Variants in NCAPD3 observed in about 807,000 individuals in gnomAD.
NCAPD3 encodes the protein condensin-2 complex subunit D3.
NCAPD3 carries 105 observed loss-of-function variants against 182.9 expected under a neutral mutation model. That is an observed-to-expected ratio of 0.57 (90% CI 0.49 to 0.68). NCAPD3 has a LOEUF of 0.68. Among genes scored for constraint, NCAPD3 ranks in the 30% least tolerant of loss-of-function variants. NCAPD3 has a pLI of 0.00. For missense variants in NCAPD3, 1,944 were observed against 1,837.0 expected (o/e 1.06, Z -1.07); for synonymous variants, 815 against 679.9 (o/e 1.20, Z -3.09).
chr11:134,217,008 T>C lies in NCAPD3; in HGVS notation c.310A>G (p.Asn104Asp). ...YHFVQIVHKK[N>D]VSVQYREYGL... The stretch of plus-strand genomic sequence containing the variant: ...TATTCTCGATACTGTACACTGACAT[T>C]CTTCTTATGAACTATTTGAACAAAA... The change falls in exon 3 of 35, where the codon AAT (asparagine) becomes GAT (aspartate). Residue 104 changes from asparagine (N) to aspartate (D), a missense_variant. Transcript: ENST00000534548. 6.2e-7 allele frequency: 1 copy of C among 1,614,062 alleles called. No homozygotes were observed. The highest frequency in any genetic ancestry group is 8.5e-7 in the Non-Finnish European group (1 of 1,179,978).
chr11:134,211,855 G>A (rs529352481), intron 3 of NCAPD3, among the ~76,000 whole-genome samples: 1 of 152,160 alleles, frequency 6.6e-6, no homozygotes, highest in Non-Finnish European at 1.5e-5. Context: ...TAAAGACTCA[G>A]TGACCCATGG....
intron 28 of NCAPD3, among the ~76,000 whole-genome samples, chr11:134,161,322 A>G (rs1364321700): frequency 1.3e-5 from 2 of 152,198 alleles, no homozygotes; most frequent in Non-Finnish European, 2.9e-5. Context: ...CTTGCTTGAC[A>G]AAGAATTCAG....
At position 134,206,605 on chromosome 11, in the gene NCAPD3, A is replaced by T. The variant is rs1322259432; in HGVS notation, c.1010T>A (p.Phe337Tyr). 1 of 1,613,384 alleles carries T rather than the reference A, an allele frequency of 6.2e-7. No individual in the cohort carries two copies. Among genetic ancestry groups the T allele is most frequent in the Admixed American group, 1.7e-5 (1 of 59,890 alleles). ...CACGATTTGTGTGCTTCACCTGATA[A>T]ACTGGACCGCCTGGTTTCTACAGTT... Reference protein sequence around the residue: ...VINCRNQAVQFISALVDELKE... With the variant: ...VINCRNQAVQYISALVDELKE... Residue 337 changes from phenylalanine to tyrosine, a missense_variant, in exon 8 of 35, where the codon TTT becomes TAT. Phe to Tyr is a conservative substitution (Grantham distance 22). Transcript: ENST00000534548.
Position 134,159,958 on chromosome 11 carries a change from C to T in NCAPD3, c.3801G>A (p.Gln1267=), listed in dbSNP as rs768208893. The part of the protein sequence containing the change: ...KKYQEQLVQE[Q]ELAKHADVAG... ...CCACATCTGCATGTTTTGCTAGCTC[C>T]TGCTCCTGGACCAGCTGTTCCTGGT... Residue 1267 remains glutamine, a synonymous_variant, in exon 29 of 35, where the codon CAG becomes CAA. Transcript: ENST00000534548. 1.9e-6 allele frequency: 3 copies of T among 1,614,086 alleles called. No homozygotes were observed. The highest frequency in any genetic ancestry group is 2.5e-6 in the Non-Finnish European group (3 of 1,180,036).
At chr11:134,224,583 C>G (rs755457630), upstream of NCAPD3, 2 of 152,320 alleles carry the variant, frequency 1.3e-5, no homozygotes, top group African/African-American at 4.8e-5. Context: ...TCCGGGCTGC[C>G]GGGAGTCCCA....
At chr11:134,209,011 G>A in intron 6 of NCAPD3, 60 bp from the exon 7 acceptor site, 1 of 1,465,772 alleles carries the variant, frequency 6.8e-7, no homozygotes. Flanking sequence ...ATATTTCTTA[G>A]TCCTACAAGC....
intron 13 of NCAPD3, among the ~76,000 whole-genome samples, chr11:134,200,835 C>A (rs1944731931): frequency 6.6e-6 from 1 of 152,144 alleles, no homozygotes; most frequent in Non-Finnish European, 1.5e-5. Context: ...AAATGTTCAT[C>A]AACTGATGAA....
chr11:134,185,245 A>G, intron 17 of NCAPD3, 90 bp downstream of exon 17: 1 of 1,177,178 alleles, frequency 8.5e-7, no homozygotes, highest in African/African-American at 1.6e-5. Flanking sequence ...CTGTATATGA[A>G]TAGCTATGAA....
At chr11:134,184,110 G>A (rs1258498858) in intron 19 of NCAPD3, among the ~76,000 whole-genome samples, 2 of 152,310 alleles carry the variant, frequency 1.3e-5, no homozygotes, top group Middle Eastern at 3.4e-3. Flanking sequence ...AATCACTGAT[G>A]TGGATTTCTG....
intron 24 of NCAPD3, among the ~76,000 whole-genome samples, chr11:134,174,266 C>T (rs1165032587): frequency 1.3e-5 from 2 of 150,212 alleles, no homozygotes; most frequent in Non-Finnish European, 3.0e-5. Flanking sequence ...ACCTGTAGTC[C>T]GAGTTATCTG....
At chr11:134,162,550 AACT>A (rs1291370217) in intron 27 of NCAPD3, among the ~76,000 whole-genome samples, 1 of 152,228 alleles carries the variant, frequency 6.6e-6, no homozygotes, top group East Asian at 1.9e-4. Context: ...CTGAAGCTGA[AACT>A]ACTCTTTTCC....
intron 27 of NCAPD3, among the ~76,000 whole-genome samples, chr11:134,165,909 T>G (rs2120643606): frequency 8.6e-6 from 1 of 116,928 alleles, no homozygotes; most frequent in African/African-American, 3.4e-5. Context: ...GCACACTCAC[T>G]AGTGAGATGA....
intron 13 of NCAPD3, among the ~76,000 whole-genome samples, chr11:134,196,479 A>C (rs1225101117): frequency 6.6e-6 from 1 of 151,986 alleles, no homozygotes. Flanking sequence ...CCCTATCTCT[A>C]CAAAAAATAC....
At chr11:134,179,341 ACT>A (rs1311817145) in intron 20 of NCAPD3, among the ~76,000 whole-genome samples, 1 of 152,138 alleles carries the variant, frequency 6.6e-6, no homozygotes, top group East Asian at 1.9e-4. Flanking sequence ...CTTTATGTTT[ACT>A]TTTCTTATAC....
chr11:134,187,752 T>G (rs773462036), intron 16 of NCAPD3, among the ~76,000 whole-genome samples: 4 of 152,242 alleles, frequency 2.6e-5, no homozygotes, highest in Non-Finnish European at 5.9e-5. Context: ...CCCTTTCCAC[T>G]AAAATTGTGA....
At chr11:134,168,369 C>A (rs1041739978) in intron 26 of NCAPD3, 100 bp downstream of exon 26, 86 of 1,545,620 alleles carry the variant, frequency 5.6e-5, no homozygotes, top group Non-Finnish European at 7.2e-5. Flanking sequence ...GGTCTTCCTG[C>A]AGTGCCAGGG....
At chr11:134,190,447 A>G (rs994203227) in intron 16 of NCAPD3, among the ~76,000 whole-genome samples, 1 of 151,942 alleles carries the variant, frequency 6.6e-6, no homozygotes, top group Admixed American at 6.6e-5. Context: ...TTTCCTTCTC[A>G]TTCCTCCCTT....
chr11:134,178,636 A>C lies in NCAPD3; in HGVS notation c.2780T>G (p.Leu927Ter). ...SVIRAHAIIT[L>*]GKLCLQHEDL... Reference sequence around the variant, plus strand: ...CCATTCTCCCATGTTTTTCTTACCTAAGGTAATGATGGCATGTGCTCTAAT... The same window carrying C: ...CCATTCTCCCATGTTTTTCTTACCTCAGGTAATGATGGCATGTGCTCTAAT... Residue 927 changes from leucine to a stop codon, truncating the protein, a stop_gained and splice_region_variant, in exon 22 of 35, where the codon TTA becomes TGA. Transcript: ENST00000534548. LOFTEE classifies it high-confidence loss of function. 2 of 1,539,816 alleles carry C rather than the reference A, an allele frequency of 1.3e-6. No homozygotes were observed. The highest frequency in any genetic ancestry group is 2.0e-5 in the Admixed American group (1 of 50,340).
At chr11:134,176,144 G>C (rs1026482421) in intron 24 of NCAPD3, among the ~76,000 whole-genome samples, 163 bp downstream of exon 24, 1 of 152,014 alleles carries the variant, frequency 6.6e-6, no homozygotes, top group African/African-American at 2.4e-5. Flanking sequence ...ACAAAGGTTT[G>C]TTATATTGCT....
Sources: gnomAD v4.1 joint callset for allele counts (sites outside exome capture counted in the v4.1 genomes callset) on GRCh38, gnomAD v4.1.1 for gene constraint, MANE v1.5 for transcripts, NCBI Gene and HGNC (gene_info 2026-07-23, HGNC 2026-07-21) for gene names.